The following MBD5 variants were observed in gnomAD, a reference collection of about 807,000 sequenced individuals.
The protein encoded by MBD5 is methyl-CpG-binding domain protein 5.
MBD5 carries 13 observed loss-of-function variants against 117.3 expected under a neutral mutation model. The observed-to-expected ratio is 0.11, with a 90% CI of 0.07 to 0.18. The LOEUF (loss-of-function observed/expected upper bound fraction) is 0.18. MBD5 is among the 10% of genes least tolerant of loss of function. The pLI is 1.00. For missense variants in MBD5, 1,879 were observed against 2,093.8 expected (o/e 0.90, Z 2.00); for synonymous variants, 727 against 766.4 (o/e 0.95, Z 0.85).
intron 1 of MBD5, among the ~76,000 whole-genome samples, chr2:148,075,328 G>A (rs1176854457): frequency 6.6e-6 from 1 of 152,156 alleles, no homozygotes; most frequent in Non-Finnish European, 1.5e-5. Context: ...CAGAATGAGG[G>A]TCTAGAACCC....
At chr2:148,276,263 T>C (rs1233191091) in intron 3 of MBD5, among the ~76,000 whole-genome samples, 1 of 151,962 alleles carries the variant, frequency 6.6e-6, no homozygotes. Context: ...AAAGCTGCAG[T>C]AAGCTATGAT....
chr2:148,038,577 A>G (rs940150444), intron 1 of MBD5, among the ~76,000 whole-genome samples: 7 of 151,262 alleles, frequency 4.6e-5, no homozygotes, highest in Non-Finnish European at 8.9e-5. Context: ...AATTAAGGAC[A>G]CATTTTTTTT....
chr2:148,132,620 G>A (rs1410843219), intron 1 of MBD5, among the ~76,000 whole-genome samples: 1 of 151,940 alleles, frequency 6.6e-6, no homozygotes, highest in East Asian at 1.9e-4. Context: ...ATATTTGGAG[G>A]GTGACTAAGC....
chr2:148,261,096 G>A (rs1700720670), intron 3 of MBD5, among the ~76,000 whole-genome samples: 1 of 152,156 alleles, frequency 6.6e-6, no homozygotes, highest in South Asian at 2.1e-4. Flanking sequence ...TCTAGGCTTT[G>A]TTATTCCATT....
intron 1 of MBD5, among the ~76,000 whole-genome samples, chr2:148,147,914 G>C (rs1045554834): frequency 6.6e-6 from 1 of 152,052 alleles, no homozygotes; most frequent in Non-Finnish European, 1.5e-5. Context: ...GTTTTCTCAG[G>C]TCTTTTGTGA....
intron 3 of MBD5, among the ~76,000 whole-genome samples, chr2:148,240,289 G>T (rs1272164316): frequency 6.6e-6 from 1 of 152,114 alleles, no homozygotes. Context: ...AGGGGGAAGG[G>T]ATAGCATTAG....
At chr2:148,247,122 T>C (rs960774287) in intron 3 of MBD5, among the ~76,000 whole-genome samples, 4 of 152,136 alleles carry the variant, frequency 2.6e-5, no homozygotes, top group Non-Finnish European at 5.9e-5. Flanking sequence ...TTTTAGAATA[T>C]AGAAAAAAAT....
At position 148,494,966 on chromosome 2, in the gene MBD5, T is replaced by TA. The variant is rs990836340; in HGVS notation, c.4962+4380dup. Among the ~76,000 whole-genome samples the TA allele has an allele frequency of 8.6e-5, 13 of 151,560 alleles. 1 individual carries two copies. The highest frequency in any genetic ancestry group is 2.9e-4 in the African/African-American group (12 of 41,336). ...CGACAGAGCGAGGCTCTGTCTCAAA[T>TA]AAAAAAAATAAAATAAATAAAAAAA... On this transcript the variant is annotated intron_variant, in intron 11 of 13. Transcript: ENST00000642680.
intron 8 of MBD5, among the ~76,000 whole-genome samples, chr2:148,477,540 A>G (rs1681008510): frequency 6.6e-6 from 1 of 152,152 alleles, no homozygotes; most frequent in Middle Eastern, 3.2e-3. Flanking sequence ...ACTTGAGAAA[A>G]TAAAGTCTCG....
intron 3 of MBD5, among the ~76,000 whole-genome samples, chr2:148,339,290 T>C (rs1404338894): frequency 6.6e-6 from 1 of 152,116 alleles, no homozygotes; most frequent in Non-Finnish European, 1.5e-5. Flanking sequence ...AAAAAGGATA[T>C]GGTAGGCTGT....
chr2:148,294,509 T>TTTTTTTGTTTTTGTTTTTTTTTGTTTG (rs1701598066), intron 3 of MBD5, among the ~76,000 whole-genome samples: 1 of 129,984 alleles, frequency 7.7e-6, no homozygotes, highest in Non-Finnish European at 1.6e-5. Context: ...CAGTTTTTTT[T>TTTTTTTGTTTTTGTTTTTTTTTGTTTG]TTTTTTTTTT....
chr2:148,200,128 G>A (rs1413657326), intron 2 of MBD5, among the ~76,000 whole-genome samples: 1 of 151,950 alleles, frequency 6.6e-6, no homozygotes, highest in Non-Finnish European at 1.5e-5. Flanking sequence ...TACTTCCTCA[G>A]TAAGAATTAC....
At chr2:148,419,914 C>T (rs1173881808) in intron 4 of MBD5, among the ~76,000 whole-genome samples, 1 of 152,074 alleles carries the variant, frequency 6.6e-6, no homozygotes, top group East Asian at 1.9e-4. Context: ...TCTGGAGGAA[C>T]TCATTTCTAT....
intron 4 of MBD5, among the ~76,000 whole-genome samples, chr2:148,422,341 G>A (rs1330927670): frequency 6.6e-6 from 1 of 152,164 alleles, no homozygotes; most frequent in Non-Finnish European, 1.5e-5. Context: ...CAGCAAAAGG[G>A]CCTGACTGTT....
At chr2:148,022,051 C>G (rs1409498761) in intron 1 of MBD5, among the ~76,000 whole-genome samples, 2 of 152,086 alleles carry the variant, frequency 1.3e-5, no homozygotes, top group Non-Finnish European at 2.9e-5. Context: ...AAAAAAAATT[C>G]ATTGGAGAGC....
chr2:148,155,051 A>C (rs1456071062), intron 1 of MBD5, among the ~76,000 whole-genome samples: 1 of 152,220 alleles, frequency 6.6e-6, no homozygotes, highest in Admixed American at 6.5e-5. Flanking sequence ...CTCTCCAGAA[A>C]GGTATATTTC....
At chr2:148,072,801 C>G (rs1695398132) in intron 1 of MBD5, among the ~76,000 whole-genome samples, 1 of 152,124 alleles carries the variant, frequency 6.6e-6, no homozygotes, top group African/African-American at 2.4e-5. Flanking sequence ...TCAATTGGAT[C>G]TGACTGGGGG....
intron 1 of MBD5, among the ~76,000 whole-genome samples, chr2:148,052,236 G>A (rs1444283459): frequency 1.0e-5 from 1 of 100,284 alleles, no homozygotes; most frequent in Non-Finnish European, 1.9e-5. Flanking sequence ...TTGAGATGGA[G>A]TCTCACTCTT....
At chr2:148,394,202 A>G (rs1274094036) in intron 4 of MBD5, among the ~76,000 whole-genome samples, 1 of 152,128 alleles carries the variant, frequency 6.6e-6, no homozygotes, top group African/African-American at 2.4e-5. Flanking sequence ...CAAGATTATA[A>G]TAGCCTCATA....
Sources: gnomAD v4.1 joint callset for allele counts (sites outside exome capture counted in the v4.1 genomes callset) on GRCh38, gnomAD v4.1.1 for gene constraint, MANE v1.5 for transcripts, NCBI Gene and HGNC (gene_info 2026-07-23, HGNC 2026-07-21) for gene names.